Variants in CAMK1D observed in about 807,000 individuals in gnomAD.
CAMK1D encodes the protein calcium/calmodulin-dependent protein kinase type 1D.
CAMK1D carries 9 observed loss-of-function variants against 47.7 expected under a neutral mutation model. That is an observed-to-expected ratio of 0.19 (90% CI 0.11 to 0.33). The LOEUF is 0.33. Among genes scored for constraint, CAMK1D ranks in the 10% least tolerant of loss-of-function variants. The pLI is 1.00. For synonymous variants in CAMK1D, 184 were observed against 184.9 expected (o/e 0.99, Z 0.04); for missense variants, 291 against 488.7 (o/e 0.60, Z 3.81).
At chr10:12,463,739 G>A (rs1377577298) in intron 1 of CAMK1D, among the ~76,000 whole-genome samples, 1 of 151,838 alleles carries the variant, frequency 6.6e-6, no homozygotes, top group Non-Finnish European at 1.5e-5. Flanking sequence ...TCCCCACCAG[G>A]TCTCATCTTG....
At chr10:12,615,576 C>CGT (rs142937489) in intron 2 of CAMK1D, among the ~76,000 whole-genome samples, 4 of 18,412 alleles carry the variant, frequency 2.2e-4, no homozygotes, top group African/African-American at 3.3e-4. Flanking sequence ...CGTGTGTGTG[C>CGT]GTGTGTGTAG....
chr10:12,618,690 A>G (rs1838898123), intron 2 of CAMK1D, among the ~76,000 whole-genome samples: 1 of 152,122 alleles, frequency 6.6e-6, no homozygotes, highest in Admixed American at 6.5e-5. Flanking sequence ...TCATCACATT[A>G]GGCTTGGTAT....
At chr10:12,740,812 A>G (rs1835394428) in intron 3 of CAMK1D, among the ~76,000 whole-genome samples, 1 of 152,146 alleles carries the variant, frequency 6.6e-6, no homozygotes, top group South Asian at 2.1e-4. Flanking sequence ...CTGGGTACTG[A>G]GTTGAACCTA....
chr10:12,558,277 C>A (rs565261282), intron 2 of CAMK1D, among the ~76,000 whole-genome samples: 1 of 152,138 alleles, frequency 6.6e-6, no homozygotes, highest in African/African-American at 2.4e-5. Context: ...AAAACTTGAC[C>A]GGCACGGTGG....
At chr10:12,449,868 A>G (rs561493427) in intron 1 of CAMK1D, among the ~76,000 whole-genome samples, 5 of 152,258 alleles carry the variant, frequency 3.3e-5, no homozygotes, top group African/African-American at 4.8e-5. Flanking sequence ...GCATGGTGGC[A>G]GGCGCCTGTA....
At chr10:12,735,433 G>C (rs946313317) in intron 3 of CAMK1D, among the ~76,000 whole-genome samples, 1 of 152,176 alleles carries the variant, frequency 6.6e-6, no homozygotes, top group South Asian at 2.1e-4. Flanking sequence ...AGCCGAGATT[G>C]CGCCACTGCA....
chr10:12,793,739 C>T (rs762779323), intron 6 of CAMK1D, among the ~76,000 whole-genome samples: 4 of 152,174 alleles, frequency 2.6e-5, no homozygotes, highest in Non-Finnish European at 5.9e-5. Context: ...CATGGTTGGC[C>T]AAGTGGAGCA....
rs756551121 is a variant in CAMK1D at position 12,588,807 on chromosome 10, CACAT to C, written c.224+35455_224+35458del. On this transcript the variant is annotated intron_variant, in intron 2 of 10. Transcript: ENST00000619168. ...ATATATATACACACACACACACACA[CACAT>C]ACACACATGCACATACATATATATG... 3.3e-3 allele frequency among the ~76,000 whole-genome samples: 472 copies of C among 145,116 alleles called. 5 individuals carry two copies. The East Asian group carries it at 0.04, about 12-fold the overall frequency.
At chr10:12,801,421 A>G (rs1174936418) in intron 6 of CAMK1D, among the ~76,000 whole-genome samples, 1 of 140,002 alleles carries the variant, frequency 7.1e-6, no homozygotes, top group African/African-American at 2.6e-5. Context: ...TCATTCATCA[A>G]CCCATCCTTC....
At chr10:12,438,527 CTTTCTTTAAAAAAA>C in intron 1 of CAMK1D, among the ~76,000 whole-genome samples, 1 of 152,238 alleles carries the variant, frequency 6.6e-6, no homozygotes, top group Non-Finnish European at 1.5e-5. Flanking sequence ...CTGGACATAT[CTTTCTTTAAAAAAA>C]TTTTTTTGAG....
intron 2 of CAMK1D, among the ~76,000 whole-genome samples, chr10:12,575,028 A>G (rs745549534): frequency 2.6e-5 from 4 of 152,056 alleles, no homozygotes; most frequent in African/African-American, 7.2e-5. Flanking sequence ...GGGGACCACA[A>G]TCCAACATGA....
chr10:12,489,810 G>A (rs1209377836), intron 1 of CAMK1D, among the ~76,000 whole-genome samples: 2 of 152,142 alleles, frequency 1.3e-5, no homozygotes, highest in African/African-American at 4.8e-5. Context: ...TGCCTGAGGT[G>A]GACTCTCTGG....
intron 3 of CAMK1D, among the ~76,000 whole-genome samples, chr10:12,683,741 G>GGGGT (rs369928086): frequency 1.4e-5 from 2 of 144,980 alleles, no homozygotes; most frequent in African/African-American, 5.1e-5. Flanking sequence ...TAGGAATCCA[G>GGGGT]GTGTGTGTGT....
At chr10:12,618,946 C>T (rs1838907190) in intron 2 of CAMK1D, among the ~76,000 whole-genome samples, 1 of 152,192 alleles carries the variant, frequency 6.6e-6, no homozygotes, top group South Asian at 2.1e-4. Flanking sequence ...TAAGCATGCA[C>T]AGCAAAGATG....
chr10:12,758,253 G>T (rs1199733711), intron 3 of CAMK1D, among the ~76,000 whole-genome samples: 5 of 152,096 alleles, frequency 3.3e-5, no homozygotes, highest in Non-Finnish European at 7.3e-5. Flanking sequence ...AATTCTGGGG[G>T]ACGTAAACAT....
intron 3 of CAMK1D, among the ~76,000 whole-genome samples, chr10:12,720,642 T>C (rs1301783034): frequency 1.3e-5 from 2 of 152,254 alleles, no homozygotes; most frequent in Non-Finnish European, 2.9e-5. Flanking sequence ...GTGCCCTGAA[T>C]GTCTTAACAG....
chr10:12,706,861 AG>A (rs1833745255), intron 3 of CAMK1D, among the ~76,000 whole-genome samples: 1 of 152,170 alleles, frequency 6.6e-6, no homozygotes, highest in Admixed American at 6.5e-5. Flanking sequence ...ACACAGAAGT[AG>A]GTGATAACTC....
intron 1 of CAMK1D, among the ~76,000 whole-genome samples, chr10:12,450,851 A>G (rs992758148): frequency 6.6e-6 from 1 of 152,230 alleles, no homozygotes; most frequent in Non-Finnish European, 1.5e-5. Context: ...GTTCCAGAAT[A>G]AAAGAAGGAT....
chr10:12,700,025 GT>G (rs1481822674), intron 3 of CAMK1D, among the ~76,000 whole-genome samples: 1 of 151,998 alleles, frequency 6.6e-6, no homozygotes, highest in African/African-American at 2.4e-5. Flanking sequence ...TTCATGCATA[GT>G]TTTTTCGTAA....
Sources: gnomAD v4.1 joint callset for allele counts (sites outside exome capture counted in the v4.1 genomes callset) on GRCh38, gnomAD v4.1.1 for gene constraint, MANE v1.5 for transcripts, NCBI Gene and HGNC (gene_info 2026-07-23, HGNC 2026-07-21) for gene names.